PPP1R9A: variants seen among roughly 807,000 people sequenced by gnomAD.
PPP1R9A encodes protein phosphatase 1 regulatory subunit 9A.
A neutral mutation model predicts 141.9 loss-of-function variants in PPP1R9A; 59 were observed. The ratio of observed to expected loss-of-function variants is 0.42; its 90% confidence interval spans 0.34 to 0.52. The LOEUF is 0.52. PPP1R9A is among the 20% of genes least tolerant of loss of function. The pLI is 0.10. For missense variants in PPP1R9A, 1,444 were observed against 1,611.9 expected (o/e 0.90, Z 1.78); for synonymous variants, 500 against 569.7 (o/e 0.88, Z 1.74).
Position 95,250,203 on chromosome 7 carries a change from T to A in PPP1R9A, c.2344T>A (p.Leu782Met). 2 of 1,613,530 alleles carry A rather than the reference T, an allele frequency of 1.2e-6. No homozygotes were observed. The highest frequency in any genetic ancestry group is 1.7e-6 in the Non-Finnish European group (2 of 1,179,832). The change falls in exon 10 of 20, where the codon TTG becomes ATG. Residue 782 changes from leucine to methionine, a missense_variant. Transcript: ENST00000433360. The stretch of plus-strand genomic sequence containing the variant: ...AGAGACTCAAAGCCAGTATCAGGCC[T>A]TGGAAAAGAAATACAACAAGGCAAA... ...LKETQSQYQALEKKYNKAKKL... is the reference protein window; with the variant it reads ...LKETQSQYQAMEKKYNKAKKL...
chr7:94,929,545 G>A (rs1317805759), intron 2 of PPP1R9A, among the ~76,000 whole-genome samples: 1 of 152,136 alleles, frequency 6.6e-6, no homozygotes, highest in Non-Finnish European at 1.5e-5. Context: ...AATATTGTTG[G>A]TACATGGTAA....
At chr7:95,149,868 TG>T (rs1411841147) in intron 4 of PPP1R9A, among the ~76,000 whole-genome samples, 1 of 151,802 alleles carries the variant, frequency 6.6e-6, no homozygotes, top group Non-Finnish European at 1.5e-5. Flanking sequence ...AAAGTTTATA[TG>T]GAAAGACAAA....
chr7:95,282,494 C>T (rs1007786214), intron 16 of PPP1R9A, among the ~76,000 whole-genome samples: 3 of 152,168 alleles, frequency 2.0e-5, no homozygotes, highest in Non-Finnish European at 2.9e-5. Context: ...AAAGCTGGAG[C>T]CACTAGTCAT....
At chr7:95,076,440 G>A (rs4729171) in intron 2 of PPP1R9A, among the ~76,000 whole-genome samples, 16,464 of 151,930 alleles carry the variant, frequency 0.11, 1,471 homozygotes, top group African/African-American at 0.25. Flanking sequence ...GACATATTTT[G>A]TATCTCATAA....
chr7:95,194,300 T>C (rs1835919431), intron 5 of PPP1R9A, among the ~76,000 whole-genome samples: 1 of 152,074 alleles, frequency 6.6e-6, no homozygotes, highest in Non-Finnish European at 1.5e-5. Flanking sequence ...AAAGACTTTA[T>C]GTATCTTTAA....
intron 6 of PPP1R9A, among the ~76,000 whole-genome samples, chr7:95,201,909 A>G (rs1789650184): frequency 6.6e-6 from 1 of 152,190 alleles, no homozygotes; most frequent in Admixed American, 6.5e-5. Flanking sequence ...TGATTTCCAG[A>G]GCCAGCTCTT....
At chr7:95,044,954 A>G (rs1025627160) in intron 2 of PPP1R9A, among the ~76,000 whole-genome samples, 9 of 151,996 alleles carry the variant, frequency 5.9e-5, no homozygotes, top group African/African-American at 2.2e-4. Flanking sequence ...TGGTTTCAGT[A>G]AAGGGCAATA....
intron 2 of PPP1R9A, among the ~76,000 whole-genome samples, chr7:95,028,759 A>G (rs1807253273): frequency 6.6e-6 from 1 of 152,226 alleles, no homozygotes; most frequent in Non-Finnish European, 1.5e-5. Context: ...CAAATTCCAT[A>G]GACAGATGTT....
At chr7:95,279,086 A>G (rs1803685802) in intron 16 of PPP1R9A, among the ~76,000 whole-genome samples, 2 of 152,136 alleles carry the variant, frequency 1.3e-5, no homozygotes, top group Admixed American at 1.3e-4. Context: ...CTTCTTGCGT[A>G]TTTTGCTGGC....
At chr7:95,237,588 A>T (rs1796890507) in intron 8 of PPP1R9A, among the ~76,000 whole-genome samples, 4 of 152,204 alleles carry the variant, frequency 2.6e-5, no homozygotes, top group Admixed American at 2.6e-4. Context: ...TTGATCTACC[A>T]AATCTGAAAA....
chr7:94,954,807 A>G (rs1223424174), intron 2 of PPP1R9A, among the ~76,000 whole-genome samples: 1 of 142,176 alleles, frequency 7.0e-6, no homozygotes, highest in Non-Finnish European at 1.5e-5. Context: ...TTATTCTGTT[A>G]TTTTAGAATA....
chr7:95,061,263 A>G (rs1187192590), intron 2 of PPP1R9A, among the ~76,000 whole-genome samples: 3 of 152,200 alleles, frequency 2.0e-5, no homozygotes, highest in African/African-American at 4.8e-5. Context: ...ATGGAAATCT[A>G]TAGGAAGTTT....
intron 2 of PPP1R9A, among the ~76,000 whole-genome samples, chr7:95,004,211 G>T (rs1163055402): frequency 1.3e-5 from 2 of 152,024 alleles, no homozygotes; most frequent in African/African-American, 4.8e-5. Context: ...GAATGGAGCA[G>T]ATCTGTGCAT....
intron 2 of PPP1R9A, among the ~76,000 whole-genome samples, chr7:95,054,282 ATT>A (rs201366654): frequency 1.4e-4 from 20 of 143,322 alleles, no homozygotes; most frequent in African/African-American, 3.8e-4. Context: ...CGCCCAGCTA[ATT>A]TTTTTTTTTT....
At chr7:94,941,305 G>T (rs919682787) in intron 2 of PPP1R9A, among the ~76,000 whole-genome samples, 6 of 152,106 alleles carry the variant, frequency 3.9e-5, no homozygotes, top group East Asian at 1.9e-4. Flanking sequence ...ATGAGAGTAT[G>T]TGTAAGTGGT....
At chr7:95,119,490 T>C (rs1822136133) in intron 3 of PPP1R9A, among the ~76,000 whole-genome samples, 1 of 152,206 alleles carries the variant, frequency 6.6e-6, no homozygotes, top group African/African-American at 2.4e-5. Context: ...GGTCTCGCAG[T>C]GTTGCCCATG....
chr7:95,033,303 C>T lies in PPP1R9A; in HGVS notation c.1396-77956C>T, dbSNP rs372404208. Among the ~76,000 whole-genome samples, 111 of 151,784 alleles carry T rather than the reference C, an allele frequency of 7.3e-4. No homozygotes were observed. In the East Asian group the frequency reaches 0.019, roughly 26 times the overall value. On this transcript the variant is annotated intron_variant, in intron 2 of 19. Coordinates refer to ENST00000433360, the MANE Select transcript of PPP1R9A (RefSeq NM_001166160.2). ...TGCTGGGATTACAGGCATGAGCCAC[C>T]GCTCCTGGCCTAATTTTTTATTTTT...
At position 95,284,268 on chromosome 7, in the gene PPP1R9A, T is replaced by C. The variant is rs1804855712; in HGVS notation, c.3547T>C (p.Ser1183Pro). ...AAACAAGAGAAACCCAAATCCCTCC[T>C]CTTCTTCAATCTTTGGAAGGCATTC... ...KANKRNPNPS[S>P]SSIFGRHSQL... Residue 1183 changes from serine (S) to proline (P), a missense_variant, in exon 17 of 20, where the codon TCT becomes CCT. By Grantham distance (74) the Ser-to-Pro change is moderately conservative. Transcript: ENST00000433360. 1.3e-6 allele frequency: 2 copies of C among 1,569,998 alleles called. No homozygotes were observed. Among genetic ancestry groups the C allele is most frequent in the Non-Finnish European group, 1.7e-6 (2 of 1,155,052 alleles).
intron 5 of PPP1R9A, among the ~76,000 whole-genome samples, chr7:95,198,089 A>T (rs1016491761): frequency 2.0e-5 from 3 of 152,196 alleles, no homozygotes; most frequent in Non-Finnish European, 2.9e-5. Flanking sequence ...TACGTATATT[A>T]CATCTTCTCT....
Sources: gnomAD v4.1 joint callset for allele counts (sites outside exome capture counted in the v4.1 genomes callset) on GRCh38, gnomAD v4.1.1 for gene constraint, MANE v1.5 for transcripts, NCBI Gene and HGNC (gene_info 2026-07-23, HGNC 2026-07-21) for gene names.